The following OR4D9 variants were observed in gnomAD, a reference collection of about 807,000 sequenced individuals.
OR4D9 encodes olfactory receptor 4D9.
Under a neutral mutation model 0.8 loss-of-function variants are expected in OR4D9, and 2 were observed. That is an observed-to-expected ratio of 2.58 (90% CI 1.06 to 8.13). The LOEUF is 8.13. Among genes scored for constraint, OR4D9 ranks in the 30% most tolerant of loss-of-function variants. The pLI is 0.04. For synonymous variants in OR4D9, 146 were observed against 151.2 expected (o/e 0.97, Z 0.25); for missense variants, 399 against 384.7 (o/e 1.04, Z -0.31).
Position 59,515,443 on chromosome 11 carries a change from C to T in OR4D9, c.531C>T (p.Phe177=), listed in dbSNP as rs773530947. ...GTGGACCCAATGTTCTTGACACTTT[C>T]TACTGCGATGTCCCCCAGGTCCTCA... ...PFCGPNVLDT[F]YCDVPQVLKL... The change falls in exon 3 of 3, where the codon TTC becomes TTT. Residue 177 remains phenylalanine, a synonymous_variant. Coordinates refer to ENST00000641962, the MANE Select transcript of OR4D9 (RefSeq NM_001004711.2). 1.9e-6 allele frequency: 3 copies of T among 1,614,044 alleles called. No homozygotes were observed. The highest frequency in any genetic ancestry group is 2.2e-5 in the South Asian group (2 of 91,088).
Position 59,515,957 on chromosome 11 carries a change from C to T in OR4D9, c.*100C>T. 4.8e-6 allele frequency: 4 copies of T among 837,324 alleles called. No homozygotes were observed. Among genetic ancestry groups the T allele is most frequent in the South Asian group, 1.9e-5 (1 of 53,882 alleles). The allele number at this position is 837,324 out of a possible 1,614,324, so 51.9% of individuals were successfully genotyped here. ...GCCCAAAACAAAGAGATACCTATGG[C>T]CACCATCGAGTCCTAAAAGAAGTTA... On this transcript the variant is annotated 3_prime_UTR_variant, in exon 3 of 3. Coordinates refer to ENST00000641962, the MANE Select transcript of OR4D9 (RefSeq NM_001004711.2).
chr11:59,514,641 A>G (rs1226610777), intron 1 of OR4D9, 32 bp from the exon 2 acceptor site: 23 of 345,104 alleles, frequency 6.7e-5, no homozygotes, highest in Non-Finnish European at 1.1e-4. Context: ...GTACAATTGA[A>G]TAGATTCACG....
rs763815878 is a variant in OR4D9, at chr11:59,515,596, C to T, written c.684C>T (p.His228=). ...TCATCTTGATGATGCTGAGGTCTCA[C>T]ACTGGGGAAGGCAGGAGGAAAGCCA... ...YTVILMMLRS[H]TGEGRRKAIS... is the part of the protein sequence containing the mutation. Residue 228 remains histidine (H), a synonymous_variant, in exon 3 of 3, where the codon CAC becomes CAT. Coordinates refer to ENST00000641962, the MANE Select transcript of OR4D9 (RefSeq NM_001004711.2). 1 of 1,614,174 alleles carries T rather than the reference C, an allele frequency of 6.2e-7. No individual in the cohort carries two copies. The highest frequency in any genetic ancestry group is 2.2e-5 in the East Asian group (1 of 44,880).
rs547306444 is a variant in OR4D9 at position 59,520,672 on chromosome 11, TC to T, written c.*4816del. The stretch of plus-strand genomic sequence containing the variant: ...GAGGAGATAATAGGGTTTTATTTTT[TC>T]TTTTCCTTGCAATGATTGTTACAAT... On this transcript the variant is annotated 3_prime_UTR_variant, in exon 3 of 3. Coordinates refer to ENST00000641962, the MANE Select transcript of OR4D9 (RefSeq NM_001004711.2). 1.4e-3 allele frequency: 219 copies of T among 152,240 alleles called. No individual in the cohort carries two copies. Among genetic ancestry groups the T allele is most frequent in the African/African-American group, 5.0e-3 (208 of 41,556 alleles). The allele number at this position is 152,240 out of a possible 1,614,324, so 9.4% of individuals were successfully genotyped here. A position where few individuals can be genotyped will look rare whatever the true frequency, so the allele number is the denominator to read the frequency against.
intron 1 of OR4D9, among the ~76,000 whole-genome samples, chr11:59,513,750 T>C (rs1460444960): frequency 2.0e-5 from 3 of 151,942 alleles, no homozygotes; most frequent in Admixed American, 6.6e-5. Context: ...CTGGGTAACA[T>C]AGGGAGACCC....
chr11:59,512,794 T>A (rs1055340299), intron 1 of OR4D9, among the ~76,000 whole-genome samples: 9 of 152,022 alleles, frequency 5.9e-5, no homozygotes, highest in African/African-American at 2.2e-4. Context: ...ACTGCACCAC[T>A]GCACTCCAGC....
In OR4D9 at chr11:59,511,545, T is replaced by TTTA. The variant is rs1859328083; in HGVS notation, c.-326_-325insTTA. 1.3e-5 allele frequency: 2 copies of TTTA among 152,122 alleles called. No homozygotes were observed. Among genetic ancestry groups the TTTA allele is most frequent in the Non-Finnish European group, 2.9e-5 (2 of 68,002 alleles). The allele number at this position is 152,122 out of a possible 1,614,324, so 9.4% of individuals were successfully genotyped here. A position where few individuals can be genotyped will look rare whatever the true frequency, so the allele number is the denominator to read the frequency against. On this transcript the variant is annotated 5_prime_UTR_variant, in exon 1 of 3. Coordinates refer to ENST00000641962, the MANE Select transcript of OR4D9 (RefSeq NM_001004711.2). Reference sequence around the variant, plus strand: ...TAGGCTTTACATTAAACAGAGAATTTCCCCAGTACCTACTTCTTCTAAAAT... The same window carrying TTTA: ...TAGGCTTTACATTAAACAGAGAATTTTTACCCCAGTACCTACTTCTTCTAAAAT...
chr11:59,515,922 G>A lies in OR4D9; in HGVS notation c.*65G>A, dbSNP rs962793059. The A allele has an allele frequency of 8.4e-7, 1 of 1,184,722 alleles. No individual in the cohort carries two copies. The highest frequency in any genetic ancestry group is 1.2e-6 in the Non-Finnish European group (1 of 854,906). 73.4% of individuals were successfully genotyped at this position (1,184,722 alleles called of 1,614,324 possible). A position where few individuals can be genotyped will look rare whatever the true frequency, so the allele number is the denominator to read the frequency against. On this transcript the variant is annotated 3_prime_UTR_variant, in exon 3 of 3. Transcript: ENST00000641962. ...TTCACTTTCTCAAAATGGGAAAGGAGCTTGTTCATGCCCAAAACAAAGAGA... is the reference window on the plus strand; with the variant it reads ...TTCACTTTCTCAAAATGGGAAAGGAACTTGTTCATGCCCAAAACAAAGAGA...
chr11:59,511,713 G>T lies in OR4D9; in HGVS notation c.-158G>T, dbSNP rs1859329918. The T allele has an allele frequency of 6.6e-6, 1 of 152,186 alleles. No individual in the cohort carries two copies. Among genetic ancestry groups the T allele is most frequent in the African/African-American group, 2.4e-5 (1 of 41,444 alleles). 9.4% of individuals were successfully genotyped at this position (152,186 alleles called of 1,614,324 possible). A position where few individuals can be genotyped will look rare whatever the true frequency, so the allele number is the denominator to read the frequency against. ...CTGCAAATGTGTAGAATGTTCCTATGGAAGTCAAGACTCTTAAGAAGCAAA... is the reference window on the plus strand; with the variant it reads ...CTGCAAATGTGTAGAATGTTCCTATTGAAGTCAAGACTCTTAAGAAGCAAA... On this transcript the variant is annotated 5_prime_UTR_variant, in exon 1 of 3. The change abolishes an upstream ATG in the 5' untranslated region. Transcript: ENST00000641962.
At position 59,518,468 on chromosome 11, in the gene OR4D9, G is replaced by A. The variant is rs990617208; in HGVS notation, c.*2611G>A. The stretch of plus-strand genomic sequence containing the variant: ...GATCCAGCAGATGGAGAAAGGGAGA[G>A]AGAATTAAGAATAAGTGATTCTCCT... On this transcript the variant is annotated 3_prime_UTR_variant, in exon 3 of 3. Coordinates refer to ENST00000641962, the MANE Select transcript of OR4D9 (RefSeq NM_001004711.2). 6.6e-6 allele frequency: 1 copy of A among 152,258 alleles called. No homozygotes were observed. The highest frequency in any genetic ancestry group is 2.4e-5 in the African/African-American group (1 of 41,462). 9.4% of individuals were successfully genotyped at this position (152,258 alleles called of 1,614,324 possible). A position where few individuals can be genotyped will look rare whatever the true frequency, so the allele number is the denominator to read the frequency against.
At chr11:59,513,484 A>C (rs938087319) in intron 1 of OR4D9, among the ~76,000 whole-genome samples, 4 of 152,226 alleles carry the variant, frequency 2.6e-5, no homozygotes, top group Admixed American at 2.0e-4. Context: ...TCCCTGGATT[A>C]TTCAGCACAA....
At chr11:59,514,047 T>C (rs1011102210) in intron 1 of OR4D9, among the ~76,000 whole-genome samples, 1 of 152,190 alleles carries the variant, frequency 6.6e-6, no homozygotes, top group Non-Finnish European at 1.5e-5. Context: ...ACATATTTCC[T>C]AGAAGTAGAA....
chr11:59,517,277 G>T lies in OR4D9; in HGVS notation c.*1420G>T, dbSNP rs1000670895. ...AAAAGACAAAAAGAAACCAGCATGC[G>T]CAAAGAAAGAAAATGAGGTGAGATT... On this transcript the variant is annotated 3_prime_UTR_variant, in exon 3 of 3. Coordinates refer to ENST00000641962, the MANE Select transcript of OR4D9 (RefSeq NM_001004711.2). 6.6e-6 allele frequency: 1 copy of T among 151,618 alleles called. No individual in the cohort carries two copies. Among genetic ancestry groups the T allele is most frequent in the Non-Finnish European group, 1.5e-5 (1 of 67,970 alleles). 9.4% of individuals were successfully genotyped at this position (151,618 alleles called of 1,614,324 possible).
At chr11:59,511,922 C>T (rs1050870822) in intron 1 of OR4D9, among the ~76,000 whole-genome samples, 176 bp downstream of exon 1, 12 of 152,142 alleles carry the variant, frequency 7.9e-5, no homozygotes, top group African/African-American at 2.7e-4. Context: ...GGAAAAACAG[C>T]TTTTAAAGGC....
chr11:59,514,049 G>A (rs910231011), intron 1 of OR4D9, among the ~76,000 whole-genome samples: 7 of 152,088 alleles, frequency 4.6e-5, no homozygotes, highest in Non-Finnish European at 8.8e-5. Flanking sequence ...ATATTTCCTA[G>A]AAGTAGAAAT....
Position 59,518,779 on chromosome 11 carries a change from T to C in OR4D9, c.*2922T>C, listed in dbSNP as rs1366669381. On this transcript the variant is annotated 3_prime_UTR_variant, in exon 3 of 3. Transcript: ENST00000641962. ...AGAGAAAGGGAGAGAAATTAAGAAT[T>C]ATGGGGAAGGGAGGGGTGTGTCTTT... 1 of 152,232 alleles carries C rather than the reference T, an allele frequency of 6.6e-6. No individual in the cohort carries two copies. The highest frequency in any genetic ancestry group is 1.9e-4 in the East Asian group (1 of 5,168). The allele number at this position is 152,232 out of a possible 1,614,324, so 9.4% of individuals were successfully genotyped here.
chr11:59,512,928 G>C (rs974124776), intron 1 of OR4D9, among the ~76,000 whole-genome samples: 12 of 152,138 alleles, frequency 7.9e-5, no homozygotes, highest in African/African-American at 2.9e-4. Flanking sequence ...AAAGTGAGTG[G>C]TCCATTAAAT....
chr11:59,514,551 GC>G (rs1859374008), intron 1 of OR4D9, 121 bp from the exon 2 acceptor site: 2 of 170,306 alleles, frequency 1.2e-5, no homozygotes, highest in African/African-American at 4.8e-5. Flanking sequence ...TCATAATGAT[GC>G]TTTTATGAAC....
Position 59,514,895 on chromosome 11 carries a change from T to C in OR4D9, c.-18T>C, listed in dbSNP as rs768677001. The stretch of plus-strand genomic sequence containing the variant: ...TTATTTCTTCCAGAGATGAACCTGA[T>C]AAAGGATCTGTGATTCAATGGATCA... On this transcript the variant is annotated 5_prime_UTR_variant, in exon 3 of 3. Coordinates refer to ENST00000641962, the MANE Select transcript of OR4D9 (RefSeq NM_001004711.2). 2.0e-6 allele frequency: 3 copies of C among 1,494,114 alleles called. No individual in the cohort carries two copies. In the South Asian group the frequency reaches 3.5e-5, roughly 18 times the overall value. 92.6% of individuals were successfully genotyped at this position (1,494,114 alleles called of 1,614,324 possible).
Sources: gnomAD v4.1 joint callset for allele counts (sites outside exome capture counted in the v4.1 genomes callset) on GRCh38, gnomAD v4.1.1 for gene constraint, MANE v1.5 for transcripts, NCBI Gene and HGNC (gene_info 2026-07-23, HGNC 2026-07-21) for gene names.